The following NRG1 variants were observed in gnomAD, a reference collection of about 807,000 sequenced individuals.
NRG1 encodes the protein pro-neuregulin-1, membrane-bound isoform.
Under a neutral mutation model 63.8 loss-of-function variants are expected in NRG1, and 18 were observed. The observed-to-expected ratio is 0.28, with a 90% CI of 0.19 to 0.42. The LOEUF (loss-of-function observed/expected upper bound fraction) is 0.42, where lower values mean the gene tolerates loss of function less well. Ranked by LOEUF, NRG1 falls within the 10% of genes least tolerant of loss-of-function variation. The pLI is 1.00. For synonymous variants in NRG1, 302 were observed against 301.3 expected (o/e 1.00, Z -0.02); for missense variants, 762 against 814.7 (o/e 0.94, Z 0.79).
At chr8:31,813,529 T>TG (rs1554540802) in intron 1 of NRG1, among the ~76,000 whole-genome samples, 8,240 of 140,492 alleles carry the variant, frequency 0.059, 422 homozygotes, top group African/African-American at 0.14. Flanking sequence ...TTTTTTTTTT[T>TG]TTTTGTTTTT....
chr8:32,763,284 A>C (rs1249153226), intron 11 of NRG1: 1 of 1,613,944 alleles, frequency 6.2e-7, no homozygotes, highest in African/African-American at 1.3e-5. Context: ...AGATCCAGCT[A>C]TCAGCAACTC....
At chr8:31,647,065 C>G (rs1804356209) in intron 1 of NRG1, among the ~76,000 whole-genome samples, 1 of 152,174 alleles carries the variant, frequency 6.6e-6, no homozygotes, top group Admixed American at 6.5e-5. Context: ...GAACCCTTAC[C>G]ACTGTTTTCA....
intron 5 of NRG1, among the ~76,000 whole-genome samples, chr8:32,670,837 G>A (rs967740844): frequency 1.3e-5 from 2 of 152,006 alleles, no homozygotes; most frequent in African/African-American, 4.8e-5. Flanking sequence ...GCAAGGTGAT[G>A]GATAATCAGC....
At chr8:31,866,629 A>G (rs1298725125) in intron 1 of NRG1, among the ~76,000 whole-genome samples, 1 of 152,094 alleles carries the variant, frequency 6.6e-6, no homozygotes, top group African/African-American at 2.4e-5. Context: ...TAGAGAGTTT[A>G]TTGTGTATAT....
intron 5 of NRG1, among the ~76,000 whole-genome samples, chr8:32,665,501 A>T (rs1803902709): frequency 6.6e-6 from 1 of 152,164 alleles, no homozygotes; most frequent in Non-Finnish European, 1.5e-5. Flanking sequence ...TTAATATAAG[A>T]TTTTGGCAGG....
intron 1 of NRG1, among the ~76,000 whole-genome samples, chr8:31,981,376 C>T (rs1021010543): frequency 6.6e-6 from 1 of 151,934 alleles, no homozygotes; most frequent in Non-Finnish European, 1.5e-5. Context: ...ATCAGAGCAA[C>T]TTGAATCTAC....
chr8:31,940,598 A>C (rs900053870), intron 1 of NRG1, among the ~76,000 whole-genome samples: 1 of 152,118 alleles, frequency 6.6e-6, no homozygotes, highest in African/African-American at 2.4e-5. Context: ...CAATACAGAA[A>C]ATAAATAAAA....
At chr8:32,087,095 T>G (rs769352642) in intron 1 of NRG1, among the ~76,000 whole-genome samples, 14 of 152,178 alleles carry the variant, frequency 9.2e-5, no homozygotes, top group Non-Finnish European at 1.6e-4. Context: ...TCTGTGAGTT[T>G]GACTATTTTA....
exon 1 of NRG1, chr8:32,548,706 G>C (rs1833446447): frequency 3.2e-6 from 5 of 1,564,278 alleles, no homozygotes; most frequent in African/African-American, 1.3e-5. Context: ...CGTCCGCGTA[G>C]AGCGCTCCGT....
chr8:32,341,198 G>A (rs900435946), intron 1 of NRG1, among the ~76,000 whole-genome samples: 5 of 152,206 alleles, frequency 3.3e-5, no homozygotes, highest in Admixed American at 2.0e-4. Context: ...ATAACGTGCA[G>A]AAACCCGAAT....
chr8:32,309,501 A>C (rs1856582716), intron 1 of NRG1, among the ~76,000 whole-genome samples: 1 of 152,210 alleles, frequency 6.6e-6, no homozygotes, highest in South Asian at 2.1e-4. Context: ...TCAAATGTGT[A>C]TACTTTTCTC....
intron 1 of NRG1, among the ~76,000 whole-genome samples, chr8:32,405,929 T>A (rs1000023476): frequency 2.0e-5 from 3 of 152,352 alleles, no homozygotes; most frequent in African/African-American, 7.2e-5. Context: ...AATGGTATAA[T>A]GTGAATTTGT....
chr8:32,321,444 G>T (rs1801370028), intron 1 of NRG1, among the ~76,000 whole-genome samples: 3 of 148,248 alleles, frequency 2.0e-5, no homozygotes, highest in Admixed American at 1.3e-4. Flanking sequence ...CTTTAACCTT[G>T]TAAGATTATA....
chr8:31,922,103 C>T (rs550912085), intron 1 of NRG1, among the ~76,000 whole-genome samples: 58 of 152,300 alleles, frequency 3.8e-4, no homozygotes, highest in African/African-American at 1.3e-3. Flanking sequence ...ATTCTAATGA[C>T]TTCTTGACAA....
At chr8:32,281,330 A>T (rs1852817075) in intron 1 of NRG1, among the ~76,000 whole-genome samples, 1 of 151,490 alleles carries the variant, frequency 6.6e-6, no homozygotes, top group South Asian at 2.1e-4. Flanking sequence ...GGCACCTGCC[A>T]CCAGGCCCCC....
intron 1 of NRG1, among the ~76,000 whole-genome samples, chr8:31,708,296 G>T (rs1486221432): frequency 6.6e-6 from 1 of 152,060 alleles, no homozygotes; most frequent in Non-Finnish European, 1.5e-5. Context: ...TGGCAACCCA[G>T]CCTCAACTAT....
At chr8:31,811,819 G>A (rs1229460767) in intron 1 of NRG1, among the ~76,000 whole-genome samples, 1 of 152,054 alleles carries the variant, frequency 6.6e-6, no homozygotes, top group Non-Finnish European at 1.5e-5. Flanking sequence ...GAGAATTGAG[G>A]TGTCTTATGC....
intron 1 of NRG1, among the ~76,000 whole-genome samples, chr8:32,263,661 T>A (rs543039427): frequency 1.4e-4 from 21 of 152,264 alleles, no homozygotes; most frequent in African/African-American, 4.3e-4. Flanking sequence ...ATTAACTTTT[T>A]AAAAAAATAT....
rs552866542 is a variant in NRG1 at position 31,773,894 on chromosome 8, C to T, written c.37+134463C>T. 8.5e-5 allele frequency among the ~76,000 whole-genome samples: 13 copies of T among 152,154 alleles called. No individual in the cohort carries two copies. In the South Asian group the frequency reaches 1.0e-3, roughly 12 times the overall value. ...TTCTACCTTGTATCATAGTAATTTACGTACCTTCATCCTTTCTCTACTTTG... is the reference window on the plus strand; with the variant it reads ...TTCTACCTTGTATCATAGTAATTTATGTACCTTCATCCTTTCTCTACTTTG... On this transcript the variant is annotated intron_variant, in intron 1 of 10. Coordinates refer to the NRG1 transcript ENST00000519301.
Sources: gnomAD v4.1 joint callset for allele counts (sites outside exome capture counted in the v4.1 genomes callset) on GRCh38, gnomAD v4.1.1 for gene constraint, MANE v1.5 for transcripts, NCBI Gene and HGNC (gene_info 2026-07-23, HGNC 2026-07-21) for gene names.